Variants in TMEM135 observed in about 807,000 individuals in gnomAD.
The protein encoded by TMEM135 is transmembrane protein 135.
Under a neutral mutation model 60.3 loss-of-function variants are expected in TMEM135, and 30 were observed. The observed-to-expected ratio is 0.50, with a 90% CI of 0.37 to 0.68. The LOEUF is 0.68. Ranked by LOEUF, TMEM135 falls within the 30% of genes least tolerant of loss-of-function variation. The probability of loss-of-function intolerance (pLI) is 0.00; values close to 1 mark genes in which losing one functional copy is unlikely to be tolerated. For synonymous variants in TMEM135, 190 were observed against 186.7 expected (o/e 1.02, Z -0.14); for missense variants, 468 against 548.8 (o/e 0.85, Z 1.47).
chr11:87,236,600 T>C lies in TMEM135; in HGVS notation c.463-38T>C, dbSNP rs369223492. 6.3e-6 allele frequency: 10 copies of C among 1,590,070 alleles called. No individual in the cohort carries two copies. In the African/African-American group the frequency reaches 1.1e-4, roughly 17 times the overall value. On this transcript the variant is annotated intron_variant, in intron 5 of 14. Transcript: ENST00000305494. ...TGAGTCACTCAAATGGTGATGTCAG[T>C]GTTCTTTTGCAAGTAATATATTTTC... is the stretch of plus-strand genomic sequence containing the variant.
At chr11:87,206,662 CATT>C (rs1177888171) in intron 5 of TMEM135, among the ~76,000 whole-genome samples, 3 of 152,240 alleles carry the variant, frequency 2.0e-5, no homozygotes, top group African/African-American at 4.8e-5. Flanking sequence ...ATATACACAT[CATT>C]GAGTTACCTA....
At chr11:87,195,616 G>A (rs1192985302) in intron 5 of TMEM135, among the ~76,000 whole-genome samples, 2 of 151,998 alleles carry the variant, frequency 1.3e-5, no homozygotes, top group Admixed American at 1.3e-4. Context: ...CTCCATGTTG[G>A]TCAGGCTGTT....
intron 5 of TMEM135, among the ~76,000 whole-genome samples, chr11:87,197,543 T>C (rs146004250): frequency 2.0e-5 from 3 of 152,246 alleles, no homozygotes; most frequent in Middle Eastern, 6.8e-3. Flanking sequence ...GCTAAATTTC[T>C]TCTATTGATA....
At chr11:87,319,407 A>G in intron 14 of TMEM135, 30 bp downstream of exon 14, 1 of 1,492,216 alleles carries the variant, frequency 6.7e-7, no homozygotes. Context: ...TCTTAAAAAT[A>G]TTATGAGTGG....
chr11:87,081,268 C>A (rs757208556), intron 3 of TMEM135, among the ~76,000 whole-genome samples: 3 of 151,252 alleles, frequency 2.0e-5, no homozygotes. Flanking sequence ...TTTCATTTGT[C>A]TGTTCCTCCT....
chr11:87,160,833 T>C lies in TMEM135; in HGVS notation c.462+3427T>C, dbSNP rs186609879. Among the ~76,000 whole-genome samples, 130 of 152,302 alleles carry C rather than the reference T, an allele frequency of 8.5e-4. 2 individuals carry two copies. Among genetic ancestry groups the C allele is most frequent in the Middle Eastern group, 6.8e-3 (2 of 294 alleles). On this transcript the variant is annotated intron_variant, in intron 5 of 14. Transcript: ENST00000305494. ...TGGTGATGTTCTTTATAAAGTCCTG[T>C]ATAAGGAGTAGCTGGACCTTTGTGC... is the stretch of plus-strand genomic sequence containing the variant.
intron 12 of TMEM135, 58 bp downstream of exon 12, chr11:87,314,605 A>AAACAGTCAGCAG: frequency 7.1e-7 from 1 of 1,413,676 alleles, no homozygotes; most frequent in Non-Finnish European, 1.0e-6. Flanking sequence ...TTAGCTGCTG[A>AAACAGTCAGCAG]CTGTTTTAGC....
chr11:87,328,057 ATTC>A lies in TMEM135; in HGVS notation c.*6725_*6727del. 2.2e-6 allele frequency: 1 copy of A among 454,098 alleles called. No homozygotes were observed. Among genetic ancestry groups the A allele is most frequent in the African/African-American group, 2.0e-5 (1 of 50,118 alleles). The allele number at this position is 454,098 out of a possible 1,614,324, so 28.1% of individuals were successfully genotyped here. A position where few individuals can be genotyped will look rare whatever the true frequency, so the allele number is the denominator to read the frequency against. On this transcript the variant is annotated 3_prime_UTR_variant, in exon 15 of 15. Coordinates refer to ENST00000305494, the MANE Select transcript of TMEM135 (RefSeq NM_022918.4). ...ATAATGCCTTACCAGTTCTCTAGATATTCCTTAATCCAGTCAAGTTGATGCCTA... is the reference window on the plus strand; with the variant it reads ...ATAATGCCTTACCAGTTCTCTAGATACTTAATCCAGTCAAGTTGATGCCTA...
chr11:87,214,738 T>C (rs146796343), intron 5 of TMEM135, among the ~76,000 whole-genome samples: 1 of 152,322 alleles, frequency 6.6e-6, no homozygotes, highest in East Asian at 1.9e-4. Flanking sequence ...ACTGAAGCTA[T>C]GGTTGACTTA....
chr11:87,075,304 G>T (rs375104472), intron 3 of TMEM135, among the ~76,000 whole-genome samples: 1 of 151,298 alleles, frequency 6.6e-6, no homozygotes, highest in Non-Finnish European at 1.5e-5. Context: ...GACTATAGGT[G>T]CCCGCCAGCT....
chr11:87,269,399 G>T (rs1373939305), intron 6 of TMEM135, among the ~76,000 whole-genome samples: 1 of 150,400 alleles, frequency 6.6e-6, no homozygotes. Flanking sequence ...CAATGTGCAG[G>T]TTAGTTACAT....
chr11:87,291,615 T>TCTGC (rs938842002), intron 6 of TMEM135, among the ~76,000 whole-genome samples: 1 of 138,748 alleles, frequency 7.2e-6, no homozygotes, highest in African/African-American at 2.7e-5. Context: ...CATTGCCAAC[T>TCTGC]CTGCCTCCTG....
intron 4 of TMEM135, among the ~76,000 whole-genome samples, chr11:87,101,904 C>T (rs953958290): frequency 1.4e-4 from 21 of 151,982 alleles, no homozygotes; most frequent in Non-Finnish European, 2.2e-4. Flanking sequence ...ACCTGGGAGG[C>T]GGAGGTTGCA....
intron 5 of TMEM135, among the ~76,000 whole-genome samples, chr11:87,201,027 A>C (rs937661094): frequency 6.6e-6 from 1 of 152,192 alleles, no homozygotes; most frequent in Non-Finnish European, 1.5e-5. Context: ...ACTTTTAGGA[A>C]GTGAAGAAAG....
chr11:87,210,979 A>C (rs1235512064), intron 5 of TMEM135, among the ~76,000 whole-genome samples: 1 of 152,226 alleles, frequency 6.6e-6, no homozygotes, highest in East Asian at 1.9e-4. Context: ...CAAATTAGGC[A>C]TTGAAATAAT....
chr11:87,112,193 A>T (rs985222858), intron 4 of TMEM135, among the ~76,000 whole-genome samples: 4 of 152,218 alleles, frequency 2.6e-5, no homozygotes, highest in African/African-American at 4.8e-5. Flanking sequence ...CTCAGCATGG[A>T]TATTGACTCA....
At chr11:87,288,877 C>T (rs1216291244) in intron 6 of TMEM135, among the ~76,000 whole-genome samples, 2 of 152,142 alleles carry the variant, frequency 1.3e-5, no homozygotes, top group East Asian at 1.9e-4. Flanking sequence ...GTGATCCCAG[C>T]TACTTGGGAG....
At chr11:87,320,142 A>G (rs1942797180) in intron 14 of TMEM135, among the ~76,000 whole-genome samples, 1 of 152,318 alleles carries the variant, frequency 6.6e-6, no homozygotes, top group East Asian at 1.9e-4. Flanking sequence ...CACACATACA[A>G]TATCCATGTA....
chr11:87,316,259 C>T (rs1034923530), intron 12 of TMEM135, among the ~76,000 whole-genome samples: 2 of 150,278 alleles, frequency 1.3e-5, no homozygotes, highest in Non-Finnish European at 3.0e-5. Context: ...TTGCTTTACC[C>T]AAATATATGT....
Sources: gnomAD v4.1 joint callset for allele counts (sites outside exome capture counted in the v4.1 genomes callset) on GRCh38, gnomAD v4.1.1 for gene constraint, MANE v1.5 for transcripts, NCBI Gene and HGNC (gene_info 2026-07-23, HGNC 2026-07-21) for gene names.